SMC6: variants seen among roughly 807,000 people sequenced by gnomAD.
The protein encoded by SMC6 is structural maintenance of chromosomes protein 6.
In SMC6, 79 loss-of-function variants were observed where a neutral mutation model predicts 142.2. The observed-to-expected ratio is 0.56, with a 90% confidence interval of 0.46 to 0.67. SMC6 has a LOEUF of 0.67. SMC6 is among the 30% of genes least tolerant of loss of function. SMC6 has a pLI of 0.00. For synonymous variants in SMC6, 411 were observed against 412.4 expected (o/e 1.00, Z 0.04); for missense variants, 1,072 against 1,284.0 (o/e 0.83, Z 2.52).
At chr2:17,668,621 G>A (rs1360204398) in intron 26 of SMC6, among the ~76,000 whole-genome samples, 1 of 152,002 alleles carries the variant, frequency 6.6e-6, no homozygotes, top group Non-Finnish European at 1.5e-5. Context: ...TTGATGTAAG[G>A]TGGTGCAAAG....
Position 17,741,487 on chromosome 2 carries a change from A to G in SMC6, c.238+125T>C, listed in dbSNP as rs941210799. 4 of 614,766 alleles carry G rather than the reference A, an allele frequency of 6.5e-6. No individual in the cohort carries two copies. In the Admixed American group the frequency reaches 8.2e-5, roughly 13 times the overall value. 38.1% of individuals were successfully genotyped at this position (614,766 alleles called of 1,614,324 possible). The stretch of plus-strand genomic sequence containing the variant: ...GCAGCAAATACCAAGAATATTCATA[A>G]CCACAAGTTATACATCTATAGAAAA... On this transcript the variant is annotated intron_variant, in intron 4 of 27. Coordinates refer to ENST00000448223, the MANE Select transcript of SMC6 (RefSeq NM_001142286.2).
chr2:17,736,504 T>C (rs1670158634), intron 5 of SMC6, among the ~76,000 whole-genome samples: 1 of 152,108 alleles, frequency 6.6e-6, no homozygotes, highest in South Asian at 2.1e-4. Context: ...TTAAAGACTG[T>C]ATCTGAAAAT....
At chr2:17,724,384 T>A (rs1669515729) in intron 9 of SMC6, among the ~76,000 whole-genome samples, 1 of 152,144 alleles carries the variant, frequency 6.6e-6, no homozygotes, top group Non-Finnish European at 1.5e-5. Context: ...CTCAAAAATG[T>A]GAAGTAAAAA....
In SMC6 at chr2:17,731,852, T is replaced by G; in HGVS notation, c.370A>C (p.Arg124=). ...QNSADISITL[R]NRGDDAFKAS... ...TTAAAGGCATCATCTCCTCTGTTCC[T>G]CAATGTTATTGAGATATCTGCAGAG... Residue 124 remains arginine, a synonymous_variant, in exon 6 of 28, where the codon AGG becomes CGG. Transcript: ENST00000448223. 1 of 1,613,712 alleles carries G rather than the reference T, an allele frequency of 6.2e-7. No individual in the cohort carries two copies. Among genetic ancestry groups the G allele is most frequent in the Non-Finnish European group, 8.5e-7 (1 of 1,179,802 alleles).
At chr2:17,682,513 G>A (rs1043075887) in intron 24 of SMC6, among the ~76,000 whole-genome samples, 5 of 152,190 alleles carry the variant, frequency 3.3e-5, no homozygotes, top group Non-Finnish European at 7.3e-5. Flanking sequence ...GTCTTGAGCT[G>A]AGTACTGGTC....
chr2:17,740,872 CA>C (rs796242066), intron 4 of SMC6: 5 of 238,742 alleles, frequency 2.1e-5, no homozygotes, highest in East Asian at 1.6e-4. Context: ...AACAAAAAAA[CA>C]AAAAAAACCC....
chr2:17,731,281 G>T, intron 6 of SMC6, 142 bp from the exon 7 acceptor site: 1 of 613,604 alleles, frequency 1.6e-6, no homozygotes, highest in East Asian at 2.8e-5. Flanking sequence ...GTACAAATAT[G>T]AATGAACATG....
Position 17,714,866 on chromosome 2 carries a change from T to A in SMC6, c.1725A>T (p.Arg575Ser). The A allele has an allele frequency of 2.5e-6, 4 of 1,612,108 alleles. No individual in the cohort carries two copies. The highest frequency in any genetic ancestry group is 1.7e-5 in the Admixed American group (1 of 59,230). ...TTCAATTACTAATGCCTTACCTGTGTCTTACATCATATATCTCATTCCGAA... is the reference window on the plus strand; with the variant it reads ...TTCAATTACTAATGCCTTACCTGTGACTTACATCATATATCTCATTCCGAA... ...SEFRNEIYDVRHRAAYHPDFP... is the reference protein window; with the variant it reads ...SEFRNEIYDVSHRAAYHPDFP... Residue 575 changes from arginine to serine, a missense_variant, in exon 16 of 28, where the codon AGA (arginine) becomes AGT (serine). By Grantham distance (110) the Arg-to-Ser change is moderately radical (BLOSUM62 -1). Around this residue, in one of 3 missense-constraint regions of SMC6, gnomAD observed 994 missense variants for 1,153.2 expected, o/e 0.86. Coordinates refer to ENST00000448223, the MANE Select transcript of SMC6 (RefSeq NM_001142286.2).
At chr2:17,696,172 T>C in intron 22 of SMC6, 117 bp downstream of exon 22, 6 of 1,318,016 alleles carry the variant, frequency 4.6e-6, no homozygotes, top group Non-Finnish European at 6.1e-6. Flanking sequence ...TTACTCTATA[T>C]GAAACAGAAA....
intron 19 of SMC6, among the ~76,000 whole-genome samples, chr2:17,702,771 GCT>G (rs1668331109): frequency 6.6e-6 from 1 of 151,958 alleles, no homozygotes; most frequent in Non-Finnish European, 1.5e-5. Flanking sequence ...CTTTTGCTTG[GCT>G]CTCTTTCTCT....
rs1434699728 is a variant in SMC6 at position 17,738,208 on chromosome 2, A to T, written c.344+13T>A. ...AAAGAATTGAAAATAGATGGTAGAA[A>T]GCAAACACTTACTTCTGTCCATCTT... On this transcript the variant is annotated intron_variant, in intron 5 of 27. Transcript: ENST00000448223. 1.3e-6 allele frequency: 2 copies of T among 1,575,070 alleles called. No homozygotes were observed. Among genetic ancestry groups the T allele is most frequent in the Admixed American group, 1.7e-5 (1 of 58,210 alleles).
chr2:17,682,480 G>A (rs1667277711), intron 24 of SMC6, among the ~76,000 whole-genome samples: 1 of 152,160 alleles, frequency 6.6e-6, no homozygotes, highest in Non-Finnish European at 1.5e-5. Context: ...AACTCCAGAG[G>A]ATCTATAAAG....
intron 16 of SMC6, 63 bp downstream of exon 16, chr2:17,714,798 C>G (rs1668998217): frequency 6.6e-7 from 1 of 1,511,844 alleles, no homozygotes; most frequent in Admixed American, 2.0e-5. Flanking sequence ...AGTGTTTTAA[C>G]TCTTTCCAAT....
At chr2:17,672,319 G>T (rs1290417014) in intron 25 of SMC6, among the ~76,000 whole-genome samples, 1 of 152,132 alleles carries the variant, frequency 6.6e-6, no homozygotes, top group Admixed American at 6.5e-5. Flanking sequence ...GATTCTTCTG[G>T]TATTCTTTTG....
intron 2 of SMC6, among the ~76,000 whole-genome samples, chr2:17,750,362 ACT>A (rs1369906743): frequency 6.6e-6 from 1 of 152,230 alleles, no homozygotes; most frequent in African/African-American, 2.4e-5. Context: ...CTGCTGAATA[ACT>A]ACATACTTAG....
intron 16 of SMC6, among the ~76,000 whole-genome samples, chr2:17,713,949 C>T (rs1397867273): frequency 6.6e-6 from 1 of 152,118 alleles, no homozygotes; most frequent in Non-Finnish European, 1.5e-5. Flanking sequence ...GTTAATTACA[C>T]ACACTAATTT....
intron 9 of SMC6, among the ~76,000 whole-genome samples, chr2:17,721,925 ATAAT>A (rs1669392758): frequency 1.3e-5 from 2 of 152,134 alleles, no homozygotes; most frequent in African/African-American, 4.8e-5. Context: ...TTCACGTTTA[ATAAT>A]TAATTAAAAA....
chr2:17,747,195 G>A lies in SMC6; in HGVS notation c.-5-1244C>T, dbSNP rs147240925. 4.8e-4 allele frequency among the ~76,000 whole-genome samples: 73 copies of A among 152,302 alleles called. No homozygotes were observed. The East Asian group carries it at 0.013, about 26-fold the overall frequency. The stretch of plus-strand genomic sequence containing the variant: ...ACTTACTCCTTCTCCTAGTTGGCTA[G>A]TATCAAAGGAGGCCTAGTGGAAAGT... On this transcript the variant is annotated intron_variant, in intron 2 of 27. Transcript: ENST00000448223.
rs185446232 is a variant in SMC6 at position 17,701,672 on chromosome 2, T to C, written c.2223+157A>G. On this transcript the variant is annotated intron_variant, in intron 20 of 27. Transcript: ENST00000448223. ...AACATTAAAAAATATGAAGGCTGTATACCAGGTAGTTTTTACCTTCTTGGT... is the reference window on the plus strand; with the variant it reads ...AACATTAAAAAATATGAAGGCTGTACACCAGGTAGTTTTTACCTTCTTGGT... 3.2e-4 allele frequency among the ~76,000 whole-genome samples: 49 copies of C among 152,292 alleles called. 1 individual carries two copies. Among genetic ancestry groups the C allele is most frequent in the African/African-American group, 1.1e-3 (46 of 41,578 alleles).
Sources: gnomAD v4.1 joint callset for allele counts (sites outside exome capture counted in the v4.1 genomes callset) on GRCh38, gnomAD v4.1.1 for gene constraint, gnomAD v4.1.1 regional missense constraint, MANE v1.5 for transcripts, NCBI Gene and HGNC (gene_info 2026-07-23, HGNC 2026-07-21) for gene names.